Variants in SDK1 observed in about 807,000 individuals in gnomAD.
SDK1 encodes the protein sidekick cell adhesion molecule 1.
Under a neutral mutation model 245.5 loss-of-function variants are expected in SDK1, and 157 were observed. The observed-to-expected ratio is 0.64, with a 90% CI of 0.56 to 0.73. The LOEUF (loss-of-function observed/expected upper bound fraction) is 0.73, where lower values mean the gene tolerates loss of function less well. SDK1 is among the 30% of genes least tolerant of loss of function. SDK1 has a pLI of 0.00. For synonymous variants in SDK1, 1,647 were observed against 1,278.5 expected, an observed-to-expected ratio of 1.29 and a Z score of -6.15; for missense variants, 3,583 against 3,002.3, an observed-to-expected ratio of 1.19 and a Z score of -4.52.
chr7:3,639,161 G>T, intron 3 of SDK1, 51 bp downstream of exon 3: 1 of 1,020,434 alleles, frequency 9.8e-7, no homozygotes, highest in East Asian at 2.6e-5. Flanking sequence ...AAGTGTCGCT[G>T]GGGAGTCAAT....
chr7:4,220,770 T>C (rs58222028), intron 39 of SDK1, among the ~76,000 whole-genome samples: 63,805 of 151,526 alleles, frequency 0.42, 14,537 homozygotes, highest in African/African-American at 0.61. Flanking sequence ...TTCAGGTTTT[T>C]TTGTTGTTGT....
chr7:4,211,831 G>A (rs578113087), intron 38 of SDK1, among the ~76,000 whole-genome samples: 13 of 152,186 alleles, frequency 8.5e-5, no homozygotes, highest in South Asian at 2.1e-4. Flanking sequence ...GGATGGTCTC[G>A]ATCTCCTAAC....
chr7:3,958,803 C>T, intron 7 of SDK1, 128 bp from the exon 8 acceptor site: 1 of 757,368 alleles, frequency 1.3e-6, no homozygotes, highest in South Asian at 1.7e-5. Context: ...AGTTTGTATG[C>T]ACGATGCTAA....
intron 1 of SDK1, among the ~76,000 whole-genome samples, chr7:3,355,578 C>G (rs1042784830): frequency 6.6e-6 from 1 of 152,188 alleles, no homozygotes; most frequent in Non-Finnish European, 1.5e-5. Flanking sequence ...CTTCCCCATT[C>G]TTCTCAATCC....
At chr7:4,113,231 G>C (rs6956409) in intron 23 of SDK1, 58 bp from the exon 24 acceptor site, 250,708 of 1,571,462 alleles carry the variant, frequency 0.16, 21,737 homozygotes, top group Middle Eastern at 0.18. Flanking sequence ...TTGTGGTTTC[G>C]TTCTTTTCCT....
chr7:4,261,401 G>A (rs529502656), intron 44 of SDK1, among the ~76,000 whole-genome samples: 6 of 138,854 alleles, frequency 4.3e-5, no homozygotes, highest in African/African-American at 1.0e-4. Flanking sequence ...GCCCACCCCC[G>A]CCTCCAGCTG....
At chr7:4,107,769 C>G (rs1783038622) in intron 22 of SDK1, among the ~76,000 whole-genome samples, 1 of 152,206 alleles carries the variant, frequency 6.6e-6, no homozygotes, top group African/African-American at 2.4e-5. Context: ...GCCCAGGCAG[C>G]CGGGGGCCTC....
In SDK1 at chr7:3,660,911, G is replaced by T. The variant is rs1783333571; in HGVS notation, c.713+18806G>T. ...TTATTATATCTGAGAGATACATTAT[G>T]TCCTTTGGTGATATGTGTATACTTT... On this transcript the variant is annotated intron_variant, in intron 4 of 44. Transcript: ENST00000404826. Among the ~76,000 whole-genome samples the T allele has an allele frequency of 3.3e-5, 5 of 152,198 alleles. 1 individual carries two copies. The South Asian group carries it at 1.0e-3, about 31-fold the overall frequency.
intron 19 of SDK1, among the ~76,000 whole-genome samples, chr7:4,055,159 C>T (rs73040492): frequency 5.9e-5 from 9 of 152,176 alleles, no homozygotes; most frequent in Non-Finnish European, 8.8e-5. Flanking sequence ...GAAGAGATTG[C>T]GTAAAATTGG....
At chr7:3,673,099 A>G (rs537655452) in intron 4 of SDK1, among the ~76,000 whole-genome samples, 2 of 152,162 alleles carry the variant, frequency 1.3e-5, no homozygotes, top group South Asian at 2.1e-4. Context: ...CATTTGACCA[A>G]TTTGTAAGGC....
At chr7:4,154,262 G>T (rs1415813350) in intron 30 of SDK1, among the ~76,000 whole-genome samples, 1 of 152,206 alleles carries the variant, frequency 6.6e-6, no homozygotes, top group Non-Finnish European at 1.5e-5. Flanking sequence ...GTACAAACTG[G>T]CTTTCTAAAT....
chr7:3,478,260 G>A (rs1781406018), intron 1 of SDK1, among the ~76,000 whole-genome samples: 1 of 151,976 alleles, frequency 6.6e-6, no homozygotes, highest in African/African-American at 2.4e-5. Flanking sequence ...ATAACTTCTT[G>A]GAGTTTTGAT....
chr7:4,112,368 T>A (rs950686125), intron 23 of SDK1, among the ~76,000 whole-genome samples: 1 of 152,170 alleles, frequency 6.6e-6, no homozygotes, highest in Non-Finnish European at 1.5e-5. Context: ...TTGAAGAGAA[T>A]GAGAAGCAGG....
At position 3,301,866 on chromosome 7, in the gene SDK1, C is replaced by T. The variant is rs1220865933; in HGVS notation, c.280C>T (p.Leu94Phe). The T allele has an allele frequency of 5.3e-6, 6 of 1,136,178 alleles. No homozygotes were observed. Among genetic ancestry groups the T allele is most frequent in the Non-Finnish European group, 6.5e-6 (6 of 927,320 alleles). The allele number at this position is 1,136,178 out of a possible 1,614,324, so 70.4% of individuals were successfully genotyped here. Residue 94 changes from leucine to phenylalanine, a missense_variant, in exon 1 of 45, where the codon CTC becomes TTC. Leu to Phe is a conservative substitution (Grantham distance 22). Coordinates refer to ENST00000404826, the MANE Select transcript of SDK1 (RefSeq NM_152744.4). ...GCTGCTGGCGCTGCAGCTGCACTTGCTCCGGGCGCTGGCGCAAGGTAGGTG... is the reference window on the plus strand; with the variant it reads ...GCTGCTGGCGCTGCAGCTGCACTTGTTCCGGGCGCTGGCGCAAGGTAGGTG... ...WALLALQLHL[L>F]RALAQDDVAP...
intron 7 of SDK1, among the ~76,000 whole-genome samples, chr7:3,955,931 C>T (rs1781223696): frequency 6.6e-6 from 1 of 152,160 alleles, no homozygotes; most frequent in Non-Finnish European, 1.5e-5. Context: ...TAGAAGCTTG[C>T]GCTGCCCCTG....
chr7:4,017,288 G>A lies in SDK1; in HGVS notation c.2538G>A (p.Ala846=), dbSNP rs149646829. The part of the protein sequence containing the change: ...IIWTQYEIQV[A]AYNGAGLGVF... ...GGACACAGTATGAGATACAGGTGGC[G>A]GCGTACAACGGGGCCGGTCTGGGCG... The change falls in exon 17 of 45, where the codon GCG becomes GCA. Residue 846 remains alanine, a synonymous_variant. Transcript: ENST00000404826. 105 of 1,614,022 alleles carry A rather than the reference G, an allele frequency of 6.5e-5. No individual in the cohort carries two copies. The highest frequency in any genetic ancestry group is 3.4e-4 in the South Asian group (31 of 91,070).
At chr7:3,906,399 T>TCTGA (rs1554279475) in intron 5 of SDK1, among the ~76,000 whole-genome samples, 5 of 149,920 alleles carry the variant, frequency 3.3e-5, no homozygotes, top group African/African-American at 1.2e-4. Flanking sequence ...TGTGTGTGTG[T>TCTGA]GAGAGAGAGA....
chr7:4,008,570 A>G (rs527798809), intron 14 of SDK1, among the ~76,000 whole-genome samples: 50 of 152,344 alleles, frequency 3.3e-4, no homozygotes, highest in Non-Finnish European at 5.9e-4. Context: ...GTGGGCACGT[A>G]AAAGAAAGCG....
intron 1 of SDK1, among the ~76,000 whole-genome samples, chr7:3,424,796 C>G (rs1391174599): frequency 6.6e-6 from 1 of 151,982 alleles, no homozygotes; most frequent in Non-Finnish European, 1.5e-5. Flanking sequence ...GCTTGGGAGA[C>G]TGAGGCATGA....
Sources: gnomAD v4.1 joint callset for allele counts (sites outside exome capture counted in the v4.1 genomes callset) on GRCh38, gnomAD v4.1.1 for gene constraint, MANE v1.5 for transcripts, NCBI Gene and HGNC (gene_info 2026-07-23, HGNC 2026-07-21) for gene names.